The following TNFRSF12A variants were observed in gnomAD, a reference collection of about 807,000 sequenced individuals.
TNFRSF12A encodes tumor necrosis factor receptor superfamily member 12A.
Under a neutral mutation model 15.5 loss-of-function variants are expected in TNFRSF12A, and 13 were observed. That is an observed-to-expected ratio of 0.84 (90% CI 0.54 to 1.33). The LOEUF (loss-of-function observed/expected upper bound fraction) is 1.33, where lower values mean the gene tolerates loss of function less well. TNFRSF12A is among the 40% of genes most tolerant of loss of function. The probability of loss-of-function intolerance (pLI) is 0.00; values close to 1 mark genes in which losing one functional copy is unlikely to be tolerated. For missense variants in TNFRSF12A, 174 were observed against 173.6 expected (o/e 1.00, Z -0.01); for synonymous variants, 89 against 78.4 (o/e 1.14, Z -0.71).
rs530903792 is a variant in TNFRSF12A at position 3,022,353 on chromosome 16, A to G, written c.*527A>G. ...GGGGAGAGTTTGGAGGGGAGGGAGA[A>G]TTTATTAATAAAAGAATCTTTAACT... On this transcript the variant is annotated 3_prime_UTR_variant, in exon 4 of 4. Transcript: ENST00000326577. 2 of 194,536 alleles carry G rather than the reference A, an allele frequency of 1.0e-5. No individual in the cohort carries two copies. The highest frequency in any genetic ancestry group is 1.8e-4 in the South Asian group (1 of 5,614). The allele number at this position is 194,536 out of a possible 1,614,324, so 12.1% of individuals were successfully genotyped here.
At position 3,021,873 on chromosome 16, in the gene TNFRSF12A, A is replaced by C. The variant is rs1224973371; in HGVS notation, c.*47A>C. The C allele has an allele frequency of 2.5e-6, 4 of 1,597,668 alleles. No individual in the cohort carries two copies. The highest frequency in any genetic ancestry group is 3.4e-6 in the Non-Finnish European group (4 of 1,173,090). The stretch of plus-strand genomic sequence containing the variant: ...GGGCTCGCCCACTCATCATTCATTC[A>C]TCCATTCTAGAGCCAGTCTCTGCCT... On this transcript the variant is annotated 3_prime_UTR_variant, in exon 4 of 4. Transcript: ENST00000326577.
chr16:3,020,437 G>C lies in TNFRSF12A; in HGVS notation c.40G>C (p.Val14Leu), dbSNP rs748317258. 4.6e-6 allele frequency: 6 copies of C among 1,293,484 alleles called. No homozygotes were observed. The highest frequency in any genetic ancestry group is 5.9e-6 in the Non-Finnish European group (6 of 1,020,066). 80.1% of individuals were successfully genotyped at this position (1,293,484 alleles called of 1,614,324 possible). A position where few individuals can be genotyped will look rare whatever the true frequency, so the allele number is the denominator to read the frequency against. ...GSLRRLLRLL[V>L]LGLWLALLRS... ...GCTGCGCCGGTTGCTGCGGCTCCTC[G>C]TGCTGGGGCTCTGGCTGGCGTTGCT... The change falls in exon 1 of 4, where the codon GTG becomes CTG. Residue 14 changes from valine (V) to leucine (L), a missense_variant. Coordinates refer to ENST00000326577, the MANE Select transcript of TNFRSF12A (RefSeq NM_016639.3).
chr16:3,021,917 C>G lies in TNFRSF12A; in HGVS notation c.*91C>G. The G allele has an allele frequency of 2.1e-6, 3 of 1,439,754 alleles. No homozygotes were observed. The highest frequency in any genetic ancestry group is 1.9e-6 in the Non-Finnish European group (2 of 1,057,330). The allele number at this position is 1,439,754 out of a possible 1,614,324, so 89.2% of individuals were successfully genotyped here. The stretch of plus-strand genomic sequence containing the variant: ...TCTGCCTCCCAGACGCGGCGGGAGC[C>G]AAGCTCCTCCAACCACAAGGGGGGT... On this transcript the variant is annotated 3_prime_UTR_variant, in exon 4 of 4. Coordinates refer to ENST00000326577, the MANE Select transcript of TNFRSF12A (RefSeq NM_016639.3).
intron 2 of TNFRSF12A, 69 bp downstream of exon 2, chr16:3,021,388 C>A: frequency 1.4e-6 from 2 of 1,444,264 alleles, no homozygotes; most frequent in Non-Finnish European, 9.2e-7. Flanking sequence ...GTGCGCAGAG[C>A]GGGGCCGAGA....
At chr16:3,021,016 AC>A (rs962387977) in intron 1 of TNFRSF12A, 198 bp from the exon 2 acceptor site, 109 of 483,468 alleles carry the variant, frequency 2.3e-4, no homozygotes, top group Middle Eastern at 1.6e-3. Flanking sequence ...TGGGGACCTG[AC>A]CCCCCCCACC....
chr16:3,021,483 C>G, intron 2 of TNFRSF12A, 72 bp from the exon 3 acceptor site: 1 of 1,469,706 alleles, frequency 6.8e-7, no homozygotes, highest in East Asian at 2.5e-5. Flanking sequence ...TGGGAGAAGG[C>G]AGAAGGCTCA....
At position 3,022,175 on chromosome 16, in the gene TNFRSF12A, C is replaced by G. The variant is rs2072620312; in HGVS notation, c.*349C>G. 1 of 423,018 alleles carries G rather than the reference C, an allele frequency of 2.4e-6. No individual in the cohort carries two copies. Among genetic ancestry groups the G allele is most frequent in the African/African-American group, 2.0e-5 (1 of 48,814 alleles). The allele number at this position is 423,018 out of a possible 1,614,324, so 26.2% of individuals were successfully genotyped here. A position where few individuals can be genotyped will look rare whatever the true frequency, so the allele number is the denominator to read the frequency against. ...TGGGGGGCAGACTTGACACTAGGCC[C>G]CACTCACTCAGATGTCCTGAAATTC... is the stretch of plus-strand genomic sequence containing the variant. On this transcript the variant is annotated 3_prime_UTR_variant, in exon 4 of 4. Transcript: ENST00000326577.
chr16:3,022,109 G>A lies in TNFRSF12A; in HGVS notation c.*283G>A. 2 of 458,970 alleles carry A rather than the reference G, an allele frequency of 4.4e-6. No individual in the cohort carries two copies. The highest frequency in any genetic ancestry group is 7.6e-6 in the Non-Finnish European group (2 of 261,630). The allele number at this position is 458,970 out of a possible 1,614,324, so 28.4% of individuals were successfully genotyped here. The stretch of plus-strand genomic sequence containing the variant: ...ACTGCAGCATTTGCACAGGGGAGGG[G>A]GGTGCCCTCCTTCCTAGAGGCCCTG... On this transcript the variant is annotated 3_prime_UTR_variant, in exon 4 of 4. Transcript: ENST00000326577.
Position 3,021,936 on chromosome 16 carries a change from G to A in TNFRSF12A, c.*110G>A. 5 of 1,220,358 alleles carry A rather than the reference G, an allele frequency of 4.1e-6. No homozygotes were observed. The highest frequency in any genetic ancestry group is 1.4e-5 in the South Asian group (1 of 71,356). 75.6% of individuals were successfully genotyped at this position (1,220,358 alleles called of 1,614,324 possible). On this transcript the variant is annotated 3_prime_UTR_variant, in exon 4 of 4. Transcript: ENST00000326577. Reference sequence around the variant, plus strand: ...GGGAGCCAAGCTCCTCCAACCACAAGGGGGGTGGGGGGCGGTGAATCACCT... The same window carrying A: ...GGGAGCCAAGCTCCTCCAACCACAAAGGGGGTGGGGGGCGGTGAATCACCT...
intron 1 of TNFRSF12A, 92 bp downstream of exon 1, chr16:3,020,583 C>A: frequency 1.0e-6 from 1 of 956,514 alleles, no homozygotes; most frequent in Non-Finnish European, 1.4e-6. Context: ...GGGGAACAGG[C>A]GGATGTGGGG....
Position 3,021,823 on chromosome 16 carries a change from G to C in TNFRSF12A, c.387G>C (p.Gln129His), listed in dbSNP as rs1249761402. ...GEGCPAVALIQ is the reference protein window; with the variant it reads ...GEGCPAVALIH ...GCTGCCCAGCTGTGGCGCTGATCCA[G>C]TGACAATGTGCCCCCTGCCAGCCGG... Residue 129 changes from glutamine (Q) to histidine (H), a missense_variant, in exon 4 of 4, where the codon CAG (glutamine) becomes CAC (histidine). Coordinates refer to ENST00000326577, the MANE Select transcript of TNFRSF12A (RefSeq NM_016639.3). The C allele has an allele frequency of 6.2e-7, 1 of 1,612,832 alleles. No individual in the cohort carries two copies. The highest frequency in any genetic ancestry group is 8.5e-7 in the Non-Finnish European group (1 of 1,179,728).
At chr16:3,021,164 C>A in intron 1 of TNFRSF12A, 51 bp from the exon 2 acceptor site, 1 of 1,019,568 alleles carries the variant, frequency 9.8e-7, no homozygotes, top group Non-Finnish European at 1.4e-6. Flanking sequence ...CCTCAGACCC[C>A]AGAATAGCCG....
Position 3,021,876 on chromosome 16 carries a change from C to T in TNFRSF12A, c.*50C>T. 6.3e-7 allele frequency: 1 copy of T among 1,588,194 alleles called. No individual in the cohort carries two copies. Among genetic ancestry groups the T allele is most frequent in the Non-Finnish European group, 8.6e-7 (1 of 1,167,236 alleles). ...CTCGCCCACTCATCATTCATTCATC[C>T]ATTCTAGAGCCAGTCTCTGCCTCCC... On this transcript the variant is annotated 3_prime_UTR_variant, in exon 4 of 4. Transcript: ENST00000326577.
chr16:3,021,137 G>C, intron 1 of TNFRSF12A, 78 bp from the exon 2 acceptor site: 2 of 743,386 alleles, frequency 2.7e-6, no homozygotes, highest in Non-Finnish European at 4.1e-6. Flanking sequence ...CACGTTATTC[G>C]AGCCGGCCGA....
chr16:3,021,246 G>A lies in TNFRSF12A; in HGVS notation c.126G>A (p.Trp42Ter). 6.3e-7 allele frequency: 1 copy of A among 1,587,206 alleles called. No homozygotes were observed. The highest frequency in any genetic ancestry group is 2.3e-5 in the East Asian group (1 of 42,960). The change falls in exon 2 of 4, where the codon TGG becomes TGA. Residue 42 changes from tryptophan to a stop codon, truncating the protein, a stop_gained. Coordinates refer to ENST00000326577, the MANE Select transcript of TNFRSF12A (RefSeq NM_016639.3). LOFTEE classifies it high-confidence loss of function. ...CCCCCTGCTCCCGCGGCAGCTCCTG[G>A]AGCGCGGACCTGGACAAGTGCATGG... ...GTAPCSRGSS[W>*]SADLDKCMDC...
In TNFRSF12A at chr16:3,020,583, C is replaced by G. The variant is rs533712420; in HGVS notation, c.94+92C>G. 1.7e-4 allele frequency: 160 copies of G among 956,522 alleles called. 1 individual carries two copies. The South Asian group carries it at 3.3e-3, about 20-fold the overall frequency. The allele number at this position is 956,522 out of a possible 1,614,324, so 59.3% of individuals were successfully genotyped here. The stretch of plus-strand genomic sequence containing the variant: ...AACAGCGCCGAACTGGGGGAACAGG[C>G]GGATGTGGGGATCTGGGGTCAGGTG... On this transcript the variant is annotated intron_variant, in intron 1 of 3. Coordinates refer to ENST00000326577, the MANE Select transcript of TNFRSF12A (RefSeq NM_016639.3).
At position 3,021,207 on chromosome 16, in the gene TNFRSF12A, C is replaced by T. The variant is rs749448216; in HGVS notation, c.95-8C>T. ...CCCCCAGCCTCTGACCCGAGGCCCC[C>T]TCCCCAGGCACCGCCCCCTGCTCCC... On this transcript the variant is annotated splice_polypyrimidine_tract_variant and splice_region_variant and intron_variant, in intron 1 of 3. Transcript: ENST00000326577. The T allele has an allele frequency of 8.4e-6, 13 of 1,549,078 alleles. No homozygotes were observed. Among genetic ancestry groups the T allele is most frequent in the Non-Finnish European group, 1.0e-5 (12 of 1,146,928 alleles).
At chr16:3,021,194 G>C in intron 1 of TNFRSF12A, 21 bp from the exon 2 acceptor site, 2 of 1,435,272 alleles carry the variant, frequency 1.4e-6, no homozygotes, top group Non-Finnish European at 1.9e-6. Flanking sequence ...CCCAGCCTCT[G>C]ACCCGAGGCC....
rs771540203 is a variant in TNFRSF12A, at chr16:3,021,563, G to C, written c.208G>C (p.Ala70Pro). The change falls in exon 3 of 4, where the codon GCA becomes CCA. Residue 70 changes from alanine to proline, a missense_variant. Physicochemically the swap from Ala to Pro is conservative, Grantham distance 27. Transcript: ENST00000326577. ...CCGAGTCCCGCCCCCAGGCGCTGCA[G>C]CACCTCCTGCCCCCTTCCGGCTGCT... ...HSDFCLGCAA[A>P]PPAPFRLLWP... The C allele has an allele frequency of 6.2e-7, 1 of 1,607,926 alleles. No homozygotes were observed. The highest frequency in any genetic ancestry group is 8.5e-7 in the Non-Finnish European group (1 of 1,177,146).
Sources: allele counts gnomAD v4.1 joint callset, GRCh38; gene constraint gnomAD v4.1.1; transcripts MANE v1.5; gene names NCBI Gene and HGNC (gene_info 2026-07-23, HGNC 2026-07-21).